Variants in GLIS3 observed in about 807,000 individuals in gnomAD.
The protein encoded by GLIS3 is zinc finger protein GLIS3.
A neutral mutation model predicts 78.6 loss-of-function variants in GLIS3; 53 were observed. The observed-to-expected ratio is 0.67, with a 90% confidence interval of 0.54 to 0.85. The LOEUF (loss-of-function observed/expected upper bound fraction) is 0.85, where lower values mean the gene tolerates loss of function less well. GLIS3 is among the 40% of genes least tolerant of loss of function. The pLI is 0.00. For missense variants in GLIS3, 1,703 were observed against 1,231.1 expected (o/e 1.38, Z -5.74); for synonymous variants, 684 against 509.9 (o/e 1.34, Z -4.60).
intron 2 of GLIS3, among the ~76,000 whole-genome samples, chr9:4,264,617 C>T (rs1283967234): frequency 6.6e-6 from 1 of 152,036 alleles, no homozygotes; most frequent in Non-Finnish European, 1.5e-5. Flanking sequence ...AACACTCTTC[C>T]TTAGGTCTGC....
At chr9:3,865,902 A>C (rs1360187575) in intron 8 of GLIS3, among the ~76,000 whole-genome samples, 1 of 152,210 alleles carries the variant, frequency 6.6e-6, no homozygotes, top group Admixed American at 6.5e-5. Flanking sequence ...TTCAAAAATA[A>C]AACACAGGTG....
intron 2 of GLIS3, among the ~76,000 whole-genome samples, chr9:4,210,743 C>T (rs1048127655): frequency 1.3e-5 from 2 of 152,258 alleles, no homozygotes; most frequent in Non-Finnish European, 2.9e-5. Context: ...GCCCCACTGG[C>T]TGTACGCTTC....
chr9:4,154,286 C>A (rs1834895162), intron 2 of GLIS3, among the ~76,000 whole-genome samples: 1 of 152,042 alleles, frequency 6.6e-6, no homozygotes, highest in African/African-American at 2.4e-5. Flanking sequence ...AGCGTCACAT[C>A]ACAAAAGAGA....
At chr9:4,342,183 G>A (rs1374337989) in intron 2 of GLIS3, among the ~76,000 whole-genome samples, 1 of 152,152 alleles carries the variant, frequency 6.6e-6, no homozygotes. Flanking sequence ...TGTCCAGAAT[G>A]GCATTTCCTA....
At chr9:4,262,470 T>C (rs10974421) in intron 2 of GLIS3, among the ~76,000 whole-genome samples, 25,033 of 152,004 alleles carry the variant, frequency 0.16, 2,247 homozygotes, top group African/African-American at 0.23. Context: ...TCTCAGTCCA[T>C]GTCACTCTGG....
chr9:3,987,284 C>T (rs1452203526), intron 4 of GLIS3, among the ~76,000 whole-genome samples: 1 of 151,884 alleles, frequency 6.6e-6, no homozygotes, highest in Non-Finnish European at 1.5e-5. Flanking sequence ...ACAAAAAAGG[C>T]AAACATAATG....
chr9:4,157,511 A>G (rs750554821), intron 2 of GLIS3, among the ~76,000 whole-genome samples: 101 of 152,314 alleles, frequency 6.6e-4, no homozygotes, highest in Non-Finnish European at 1.2e-3. Flanking sequence ...GCATATTTTT[A>G]GTACCAGGGA....
At chr9:3,877,286 A>T (rs1233267413) in intron 8 of GLIS3, among the ~76,000 whole-genome samples, 1 of 152,242 alleles carries the variant, frequency 6.6e-6, no homozygotes, top group Admixed American at 6.5e-5. Context: ...TATATCAGAC[A>T]AGTGGAAGAA....
Position 4,346,707 on chromosome 9 carries a change from C to G in GLIS3, n.264+374G>C, listed in dbSNP as rs1243655599. Among the ~76,000 whole-genome samples the G allele has an allele frequency of 6.5e-3, 3 of 462 alleles. 1 individual carries two copies. The highest frequency in any genetic ancestry group is 6.6e-3 in the African/African-American group (3 of 458). 0.3% of individuals were successfully genotyped at this position (462 alleles called of 152,430 possible). On this transcript the variant is annotated intron_variant and non_coding_transcript_variant, in intron 2 of 4. Transcript: ENST00000471664. ...GTGGCTCACGCCTGTAATCCCAGCACTTTGGGAGGCCGAGGCGGGTGGATC... is the reference window on the plus strand; with the variant it reads ...GTGGCTCACGCCTGTAATCCCAGCAGTTTGGGAGGCCGAGGCGGGTGGATC...
chr9:4,304,250 C>T (rs772766375), upstream of GLIS3, among the ~76,000 whole-genome samples: 2 of 152,118 alleles, frequency 1.3e-5, no homozygotes, highest in East Asian at 1.9e-4. Context: ...AAGTACAAGG[C>T]GTCTTGTTAT....
intron 2 of GLIS3, among the ~76,000 whole-genome samples, chr9:4,243,470 T>C (rs1401896398): frequency 1.3e-5 from 2 of 152,158 alleles, no homozygotes; most frequent in Admixed American, 6.5e-5. Flanking sequence ...CAGGGTAATC[T>C]TGAAAACTGC....
chr9:4,389,670 C>G, the GLIS3 span, among the ~76,000 whole-genome samples: 1 of 152,182 alleles, frequency 6.6e-6, no homozygotes, highest in Non-Finnish European at 1.5e-5. Flanking sequence ...CACATCACGT[C>G]AAGCCAGAAA....
At chr9:3,860,007 G>A (rs552691782) in intron 8 of GLIS3, among the ~76,000 whole-genome samples, 30 of 151,910 alleles carry the variant, frequency 2.0e-4, no homozygotes, top group Admixed American at 1.4e-3. Flanking sequence ...CAAGCGTGGT[G>A]GCTCACGCCT....
chr9:4,414,233 G>A, the GLIS3 span, among the ~76,000 whole-genome samples: 1 of 152,152 alleles, frequency 6.6e-6, no homozygotes, highest in African/African-American at 2.4e-5. Flanking sequence ...ATGTAGCAGG[G>A]AAGGACAGAT....
intron 4 of GLIS3, among the ~76,000 whole-genome samples, chr9:4,092,577 AAT>A (rs1829613852): frequency 6.6e-6 from 1 of 152,146 alleles, no homozygotes; most frequent in African/African-American, 2.4e-5. Flanking sequence ...GTAAGACATG[AAT>A]ACACACATTA....
the GLIS3 span, among the ~76,000 whole-genome samples, chr9:4,432,428 T>C: frequency 6.6e-6 from 1 of 151,992 alleles, no homozygotes; most frequent in East Asian, 1.9e-4. Flanking sequence ...GCGCATGTAG[T>C]TCAGTTTGGC....
At chr9:3,994,906 C>A (rs899045316) in intron 4 of GLIS3, among the ~76,000 whole-genome samples, 4 of 151,976 alleles carry the variant, frequency 2.6e-5, no homozygotes, top group Non-Finnish European at 5.9e-5. Flanking sequence ...GGCCAGAAAA[C>A]AAGCAAGCAA....
intron 4 of GLIS3, among the ~76,000 whole-genome samples, chr9:4,079,268 G>T (rs1247375861): frequency 6.6e-6 from 1 of 152,182 alleles, no homozygotes; most frequent in African/African-American, 2.4e-5. Context: ...AAAGGTATTA[G>T]AATTATTCCC....
At chr9:3,835,345 G>A (rs1310335950) in intron 9 of GLIS3, among the ~76,000 whole-genome samples, 1 of 152,144 alleles carries the variant, frequency 6.6e-6, no homozygotes, top group Non-Finnish European at 1.5e-5. Context: ...AAAACATCAG[G>A]AAGGTTCCCC....
Sources: allele counts gnomAD v4.1 joint callset (sites outside exome capture counted in the v4.1 genomes callset), GRCh38; gene constraint gnomAD v4.1.1; transcripts MANE v1.5; gene names NCBI Gene and HGNC (gene_info 2026-07-23, HGNC 2026-07-21).